ATG7: variants seen among roughly 807,000 people sequenced by gnomAD.
ATG7 encodes the protein ubiquitin-like modifier-activating enzyme ATG7.
ATG7 carries 70 observed loss-of-function variants against 82.4 expected under a neutral mutation model. That is an observed-to-expected ratio of 0.85 (90% CI 0.70 to 1.04). The LOEUF (loss-of-function observed/expected upper bound fraction) is 1.04, where lower values mean the gene tolerates loss of function less well. ATG7 is among the 50% of genes least tolerant of loss of function. The pLI is 0.00. For synonymous variants in ATG7, 287 were observed against 313.0 expected (o/e 0.92, Z 0.88); for missense variants, 792 against 864.3 (o/e 0.92, Z 1.05).
chr3:11,570,095 G>A, the ATG7 span, among the ~76,000 whole-genome samples: 2 of 151,992 alleles, frequency 1.3e-5, no homozygotes, highest in Non-Finnish European at 2.9e-5. Context: ...GGTTTCTGAT[G>A]TGCACAGGGC....
intron 20 of ATG7, among the ~76,000 whole-genome samples, chr3:11,463,807 TCA>T (rs1407877240): frequency 6.6e-6 from 1 of 152,170 alleles, no homozygotes; most frequent in African/African-American, 2.4e-5. Context: ...CCTGGACTTC[TCA>T]CACCCCAAAC....
chr3:11,406,006 T>TTC (rs397747500), intron 19 of ATG7, among the ~76,000 whole-genome samples: 2 of 149,702 alleles, frequency 1.3e-5, no homozygotes, highest in Non-Finnish European at 3.0e-5. Flanking sequence ...TTTTGTTTTT[T>TTC]GTAGATGGAA....
chr3:11,298,134 G>T (rs1946239012), intron 3 of ATG7, among the ~76,000 whole-genome samples: 1 of 151,624 alleles, frequency 6.6e-6, no homozygotes, highest in Non-Finnish European at 1.5e-5. Flanking sequence ...AGCCGAGATT[G>T]CACCACTGCA....
the ATG7 span, among the ~76,000 whole-genome samples, chr3:11,567,541 A>G: frequency 6.6e-6 from 1 of 152,174 alleles, no homozygotes; most frequent in Non-Finnish European, 1.5e-5. Flanking sequence ...GCGATTTTCA[A>G]AACGTTAAAA....
chr3:11,372,536 A>G (rs1448327437), intron 18 of ATG7, among the ~76,000 whole-genome samples: 1 of 150,900 alleles, frequency 6.6e-6, no homozygotes, highest in African/African-American at 2.4e-5. Context: ...CACTCACATA[A>G]CTATCACTTC....
intron 20 of ATG7, among the ~76,000 whole-genome samples, chr3:11,492,063 C>T (rs375990144): frequency 2.0e-5 from 3 of 152,274 alleles, no homozygotes; most frequent in Admixed American, 6.5e-5. Context: ...CCCCCAGCCT[C>T]GCTGCCACCT....
At chr3:11,464,009 A>G (rs1483658262) in intron 20 of ATG7, among the ~76,000 whole-genome samples, 1 of 152,264 alleles carries the variant, frequency 6.6e-6, no homozygotes, top group African/African-American at 2.4e-5. Context: ...AGAGCATATC[A>G]GGAAGAGGAA....
chr3:11,514,826 T>A (rs2092212994), intron 20 of ATG7, among the ~76,000 whole-genome samples: 1 of 150,504 alleles, frequency 6.6e-6, no homozygotes, highest in African/African-American at 2.4e-5. Context: ...AGTTGCCAAG[T>A]GCATCTGGTC....
At chr3:11,470,007 A>AGAAG (rs1559690533) in intron 20 of ATG7, among the ~76,000 whole-genome samples, 1 of 149,782 alleles carries the variant, frequency 6.7e-6, no homozygotes, top group African/African-American at 2.5e-5. Context: ...AAAAAAAAAA[A>AGAAG]AAGAGAGAGA....
chr3:11,417,829 T>TTA (rs71055870), intron 19 of ATG7, among the ~76,000 whole-genome samples: 1 of 134,336 alleles, frequency 7.4e-6, no homozygotes, highest in African/African-American at 2.7e-5. Context: ...TTTTTTTTTT[T>TTA]GAGACAGAGT....
chr3:11,324,068 C>T (rs1419396530), intron 9 of ATG7, among the ~76,000 whole-genome samples: 1 of 152,176 alleles, frequency 6.6e-6, no homozygotes, highest in Non-Finnish European at 1.5e-5. Context: ...GAATTGTATG[C>T]TCTCAGCCAA....
rs1317875578 is a variant in ATG7 at position 11,506,577 on chromosome 3, AAAAAAAACC to A, written c.2080-48233_2080-48225del. ...TACAAAAAAAAAAAAAAAAAAAAAAAAAAAAAACCCAAAAATTAGCTGGGAGTGGTGGCA... is the reference window on the plus strand; with the variant it reads ...TACAAAAAAAAAAAAAAAAAAAAAAACAAAAATTAGCTGGGAGTGGTGGCA... On this transcript the variant is annotated intron_variant, in intron 20 of 20. Coordinates refer to ENST00000693202, the MANE Select transcript of ATG7 (RefSeq NM_001349232.2). Among the ~76,000 whole-genome samples the A allele has an allele frequency of 8.3e-3, 117 of 14,090 alleles. 2 individuals are homozygous for A. The highest frequency in any genetic ancestry group is 0.024 in the African/African-American group (113 of 4,722). 9.2% of individuals were successfully genotyped at this position (14,090 alleles called of 152,430 possible).
intron 12 of ATG7, among the ~76,000 whole-genome samples, chr3:11,341,359 C>T (rs1265246472): frequency 6.6e-6 from 1 of 151,788 alleles, no homozygotes; most frequent in Non-Finnish European, 1.5e-5. Context: ...CACACCCAGC[C>T]CTTATTGGCC....
At chr3:11,344,831 T>TGCTCTCCA (rs1338480627) in intron 13 of ATG7, among the ~76,000 whole-genome samples, 1 of 152,202 alleles carries the variant, frequency 6.6e-6, no homozygotes. Flanking sequence ...ATCGTGCCAC[T>TGCTCTCCA]GCTCTCCAGC....
At position 11,538,705 on chromosome 3, in the gene ATG7, AAT is replaced by A. The variant is rs1184687017; in HGVS notation, c.2080-16105_2080-16104del. ...AAAAAAAAAAAAAAAAAAAAAAAAA[AAT>A]TAGCCAAAAAAAAAAAAAAAGCCAG... On this transcript the variant is annotated intron_variant, in intron 20 of 20. Coordinates refer to ENST00000693202, the MANE Select transcript of ATG7 (RefSeq NM_001349232.2). Among the ~76,000 whole-genome samples the A allele has an allele frequency of 7.7e-3, 735 of 95,750 alleles. 43 individuals are homozygous for A. The highest frequency in any genetic ancestry group is 0.026 in the African/African-American group (661 of 25,398). The allele number at this position is 95,750 out of a possible 152,430, so 62.8% of individuals were successfully genotyped here. A position where few individuals can be genotyped will look rare whatever the true frequency, so the allele number is the denominator to read the frequency against.
rs1553652380 is a variant in ATG7 at position 11,417,800 on chromosome 3, A to ATTATTTT, written c.1957-9002_1957-9001insATTTTTT. On this transcript the variant is annotated intron_variant, in intron 19 of 20. Coordinates refer to ENST00000693202, the MANE Select transcript of ATG7 (RefSeq NM_001349232.2). The stretch of plus-strand genomic sequence containing the variant: ...CATTTAAAAAATTATTATTATTATT[A>ATTATTTT]TTTTATTTTATTTTATTTTTTTTTT... Among the ~76,000 whole-genome samples, 581 of 109,120 alleles carry ATTATTTT rather than the reference A, an allele frequency of 5.3e-3. 25 individuals carry two copies. Among genetic ancestry groups the ATTATTTT allele is most frequent in the Admixed American group, 9.0e-3 (84 of 9,308 alleles). The allele number at this position is 109,120 out of a possible 152,430, so 71.6% of individuals were successfully genotyped here.
At chr3:11,403,872 G>C (rs556709673) in intron 19 of ATG7, among the ~76,000 whole-genome samples, 1 of 152,164 alleles carries the variant, frequency 6.6e-6, no homozygotes, top group Non-Finnish European at 1.5e-5. Flanking sequence ...CCAAAGAAGC[G>C]TATAAACTAG....
chr3:11,343,935 A>T (rs1036406389), intron 13 of ATG7, among the ~76,000 whole-genome samples: 4 of 152,178 alleles, frequency 2.6e-5, no homozygotes, highest in Non-Finnish European at 5.9e-5. Flanking sequence ...ATTAATCCTT[A>T]GTTCTGGGAG....
chr3:11,547,147 G>A (rs948963667), intron 20 of ATG7, among the ~76,000 whole-genome samples: 15 of 152,188 alleles, frequency 9.9e-5, no homozygotes, highest in African/African-American at 3.4e-4. Context: ...GTCCTTAATC[G>A]TCTTTAGAGG....
Sources: allele counts gnomAD v4.1 joint callset (sites outside exome capture counted in the v4.1 genomes callset), GRCh38; gene constraint gnomAD v4.1.1; transcripts MANE v1.5; gene names NCBI Gene and HGNC (gene_info 2026-07-23, HGNC 2026-07-21).